Variants in RCAN2 observed in about 807,000 individuals in gnomAD.
The protein encoded by RCAN2 is calcipressin-2.
A neutral mutation model predicts 23.6 loss-of-function variants in RCAN2; 9 were observed. That is an observed-to-expected ratio of 0.38 (90% CI 0.23 to 0.67). The LOEUF is 0.67. RCAN2 is among the 30% of genes least tolerant of loss of function. The pLI, the probability that RCAN2 is intolerant of heterozygous loss-of-function variation, is 0.51. For missense variants in RCAN2, 273 were observed against 302.3 expected (o/e 0.90, Z 0.72); for synonymous variants, 109 against 115.7 (o/e 0.94, Z 0.37).
intron 2 of RCAN2, among the ~76,000 whole-genome samples, chr6:46,380,171 T>C (rs1177804299): frequency 6.6e-6 from 1 of 152,170 alleles, no homozygotes; most frequent in Non-Finnish European, 1.5e-5. Context: ...GGAATTACAG[T>C]GTGCCTGTTA....
chr6:46,434,388 G>A (rs532734787), intron 2 of RCAN2, among the ~76,000 whole-genome samples: 2 of 152,280 alleles, frequency 1.3e-5, no homozygotes, highest in South Asian at 4.1e-4. Flanking sequence ...CAGGTCTCCT[G>A]AGGCCCATGC....
intron 2 of RCAN2, among the ~76,000 whole-genome samples, chr6:46,386,208 A>T (rs1765740452): frequency 6.6e-6 from 1 of 152,214 alleles, no homozygotes; most frequent in African/African-American, 2.4e-5. Flanking sequence ...AAGTGGACAA[A>T]GGATATGAAC....
At chr6:46,460,782 A>G (rs1428625027) in intron 1 of RCAN2, among the ~76,000 whole-genome samples, 1 of 152,260 alleles carries the variant, frequency 6.6e-6, no homozygotes, top group African/African-American at 2.4e-5. Flanking sequence ...TATATAAAAA[A>G]GAGTCACTTT....
At position 46,293,937 on chromosome 6, in the gene RCAN2, T is replaced by C. The variant is rs74767068; in HGVS notation, c.226-45041A>G. Among the ~76,000 whole-genome samples the C allele has an allele frequency of 5.4e-3, 827 of 152,232 alleles. 5 individuals are homozygous for C. Among genetic ancestry groups the C allele is most frequent in the African/African-American group, 0.018 (741 of 41,544 alleles). On this transcript the variant is annotated intron_variant, in intron 2 of 4. Coordinates refer to ENST00000371374, the MANE Select transcript of RCAN2 (RefSeq NM_001251974.2). ...AAAAGCATGAGGCATAAAGAACAAA[T>C]ACTTTTTTTTTGAGAATTGGAAAGA...
rs1767674167 is a variant in RCAN2, at chr6:46,445,278, T to C, written c.225+11474A>G. On this transcript the variant is annotated intron_variant, in intron 2 of 4. Coordinates refer to ENST00000371374, the MANE Select transcript of RCAN2 (RefSeq NM_001251974.2). ...GAACCAATCAATACGTTTATCCCAG[T>C]AGATCCAGGCTCCAGGCCTAACCCT... Among the ~76,000 whole-genome samples the C allele has an allele frequency of 2.0e-5, 3 of 152,070 alleles. No homozygotes were observed. In the South Asian group the frequency reaches 6.2e-4, roughly 32 times the overall value.
At position 46,456,819 on chromosome 6, in the gene RCAN2, T is replaced by C. The variant is rs893566032; in HGVS notation, c.158A>G (p.Asn53Ser). The part of the protein sequence containing the change: ...EEAFQAITDF[N>S]DLPNSLFACN... ...CGCAAACAACGAGTTGGGGAGGTCA[T>C]TGAAGTCAGTGATTGCTTGAAAGGC... Residue 53 changes from asparagine (N) to serine (S), a missense_variant, in exon 2 of 5, where the codon AAT (asparagine) becomes AGT (serine). Asn to Ser is a conservative substitution (Grantham distance 46). Coordinates refer to ENST00000371374, the MANE Select transcript of RCAN2 (RefSeq NM_001251974.2). 8.1e-5 allele frequency: 125 copies of C among 1,550,672 alleles called. No individual in the cohort carries two copies. The highest frequency in any genetic ancestry group is 6.5e-4 in the Admixed American group (33 of 50,982).
At chr6:46,225,018 T>C (rs537215793) in intron 4 of RCAN2, among the ~76,000 whole-genome samples, 52 of 147,614 alleles carry the variant, frequency 3.5e-4, no homozygotes, top group South Asian at 1.3e-3. Flanking sequence ...CACCTATGAG[T>C]GAGAATATGT....
In RCAN2 at chr6:46,244,517, A is replaced by T. The variant is rs149678948; in HGVS notation, c.571+2231T>A. On this transcript the variant is annotated intron_variant, in intron 4 of 4. Coordinates refer to ENST00000371374, the MANE Select transcript of RCAN2 (RefSeq NM_001251974.2). The stretch of plus-strand genomic sequence containing the variant: ...GCTTTTTCTGCATCAATCTTTGTGA[A>T]TGCTGACAACAACTAATGTTCTTTC... Among the ~76,000 whole-genome samples the T allele has an allele frequency of 4.4e-4, 67 of 152,262 alleles. 2 individuals are homozygous for T. In the East Asian group the frequency reaches 0.012, roughly 28 times the overall value.
chr6:46,381,031 C>G (rs1358217167), intron 2 of RCAN2, among the ~76,000 whole-genome samples: 2 of 152,146 alleles, frequency 1.3e-5, no homozygotes, highest in Non-Finnish European at 2.9e-5. Context: ...CCATCTAATT[C>G]AGGTTTCCTG....
chr6:46,281,227 C>T (rs1767900704), intron 2 of RCAN2, among the ~76,000 whole-genome samples: 1 of 152,186 alleles, frequency 6.6e-6, no homozygotes, highest in South Asian at 2.1e-4. Context: ...AATAACAGCC[C>T]TGGACATATG....
rs376347516 is a variant in RCAN2 at position 46,436,952 on chromosome 6, A to G, written c.225+19800T>C. Among the ~76,000 whole-genome samples, 8 of 152,284 alleles carry G rather than the reference A, an allele frequency of 5.3e-5. No homozygotes were observed. The East Asian group carries it at 1.5e-3, about 29-fold the overall frequency. On this transcript the variant is annotated intron_variant, in intron 2 of 4. Coordinates refer to ENST00000371374, the MANE Select transcript of RCAN2 (RefSeq NM_001251974.2). ...AGTTCAGCCTTCCCAGTAGGCACCA[A>G]TGCCTTCAGTCACATGTAGACACAG...
At chr6:46,358,004 G>C (rs368273886) in intron 2 of RCAN2, among the ~76,000 whole-genome samples, 1 of 151,978 alleles carries the variant, frequency 6.6e-6, no homozygotes, top group Non-Finnish European at 1.5e-5. Flanking sequence ...AAATCTATCC[G>C]GTCACCTCAG....
intron 2 of RCAN2, among the ~76,000 whole-genome samples, chr6:46,421,169 G>A (rs1308394175): frequency 1.3e-5 from 2 of 152,174 alleles, no homozygotes; most frequent in South Asian, 2.1e-4. Flanking sequence ...ATGAGTGACA[G>A]AATCAAACTG....
Position 46,448,299 on chromosome 6 carries a change from T to G in RCAN2, c.225+8453A>C, listed in dbSNP as rs563686279. 7.2e-5 allele frequency among the ~76,000 whole-genome samples: 11 copies of G among 151,792 alleles called. No individual in the cohort carries two copies. In the South Asian group the frequency reaches 8.3e-4, roughly 11 times the overall value. On this transcript the variant is annotated intron_variant, in intron 2 of 4. Coordinates refer to ENST00000371374, the MANE Select transcript of RCAN2 (RefSeq NM_001251974.2). Reference sequence around the variant, plus strand: ...CTGAATCACGAAGAAAAAGAAAACATGAACTGACCAATAACAAGTAAAAAG... The same window carrying G: ...CTGAATCACGAAGAAAAAGAAAACAGGAACTGACCAATAACAAGTAAAAAG...
chr6:46,457,990 C>A (rs1463777607), intron 1 of RCAN2, among the ~76,000 whole-genome samples: 1 of 152,124 alleles, frequency 6.6e-6, no homozygotes, highest in African/African-American at 2.4e-5. Flanking sequence ...TTCTTTTGTA[C>A]CGATTTTCAT....
At chr6:46,423,463 G>T (rs549751143) in intron 2 of RCAN2, among the ~76,000 whole-genome samples, 2 of 152,308 alleles carry the variant, frequency 1.3e-5, no homozygotes, top group Non-Finnish European at 2.9e-5. Flanking sequence ...CTTCTTGAAG[G>T]TTGATTCTTA....
chr6:46,413,878 G>A lies in RCAN2; in HGVS notation c.225+42874C>T, dbSNP rs1766622164. ...TAATATCGTCGGTGGGATGGAGTCA[G>A]GAATGGGACAAAGACAAAGGTTGGT... On this transcript the variant is annotated intron_variant, in intron 2 of 4. Transcript: ENST00000371374. Among the ~76,000 whole-genome samples the A allele has an allele frequency of 2.0e-5, 3 of 152,140 alleles. No homozygotes were observed. In the South Asian group the frequency reaches 6.2e-4, roughly 31 times the overall value.
chr6:46,334,100 G>A (rs1764067573), intron 2 of RCAN2, among the ~76,000 whole-genome samples: 1 of 152,148 alleles, frequency 6.6e-6, no homozygotes, highest in African/African-American at 2.4e-5. Context: ...TCTTTCCACA[G>A]CATTCATGTC....
intron 2 of RCAN2, among the ~76,000 whole-genome samples, chr6:46,342,949 T>G (rs1167977296): frequency 6.6e-6 from 1 of 152,058 alleles, no homozygotes. Context: ...TATGTATAAT[T>G]AGAGTCTTAA....
Sources: gnomAD v4.1 joint callset for allele counts (sites outside exome capture counted in the v4.1 genomes callset) on GRCh38, gnomAD v4.1.1 for gene constraint, MANE v1.5 for transcripts, NCBI Gene and HGNC (gene_info 2026-07-23, HGNC 2026-07-21) for gene names.